Variants in ICA1 observed in about 807,000 individuals in gnomAD.
ICA1 encodes 69 kDa islet cell autoantigen.
A neutral mutation model predicts 71.0 loss-of-function variants in ICA1; 40 were observed. That is an observed-to-expected ratio of 0.56 (90% CI 0.44 to 0.73). The LOEUF (loss-of-function observed/expected upper bound fraction) is 0.73, where lower values mean the gene tolerates loss of function less well. Ranked by LOEUF, ICA1 falls within the 30% of genes least tolerant of loss-of-function variation. The pLI is 0.00. For missense variants in ICA1, 578 were observed against 576.5 expected (o/e 1.00, Z -0.03); for synonymous variants, 207 against 209.5 (o/e 0.99, Z 0.10).
At chr7:8,259,718 G>A (rs190104112) in intron 1 of ICA1, among the ~76,000 whole-genome samples, 4 of 152,222 alleles carry the variant, frequency 2.6e-5, no homozygotes, top group East Asian at 1.9e-4. Context: ...AGGTGTTACC[G>A]CAGGGATTCT....
intron 8 of ICA1, among the ~76,000 whole-genome samples, chr7:8,150,445 C>A (rs1430110916): frequency 6.6e-6 from 1 of 152,222 alleles, no homozygotes; most frequent in Admixed American, 6.5e-5. Flanking sequence ...TCACTTAATC[C>A]TCACAAAACC....
chr7:8,163,920 T>G (rs1327198512), intron 6 of ICA1, among the ~76,000 whole-genome samples: 5 of 152,128 alleles, frequency 3.3e-5, no homozygotes, highest in African/African-American at 1.2e-4. Flanking sequence ...CACTGGAGGC[T>G]TTTAAGCAAG....
intron 4 of ICA1, among the ~76,000 whole-genome samples, chr7:8,228,075 A>T (rs1799163667): frequency 6.6e-6 from 1 of 152,212 alleles, no homozygotes; most frequent in Non-Finnish European, 1.5e-5. Context: ...ACAAACACAT[A>T]ATTGATATTT....
At chr7:8,261,136 C>G (rs1812177066) in intron 1 of ICA1, among the ~76,000 whole-genome samples, 1 of 151,790 alleles carries the variant, frequency 6.6e-6, no homozygotes, top group Non-Finnish European at 1.5e-5. Flanking sequence ...ATGAACAAAA[C>G]CCTTTCTTGC....
At chr7:8,153,064 C>T (rs1320520327) in intron 8 of ICA1, among the ~76,000 whole-genome samples, 1 of 152,228 alleles carries the variant, frequency 6.6e-6, no homozygotes, top group African/African-American at 2.4e-5. Context: ...ATCACCAACA[C>T]AAACACTGCT....
At chr7:8,260,144 G>T (rs896331714) in intron 1 of ICA1, among the ~76,000 whole-genome samples, 9 of 152,242 alleles carry the variant, frequency 5.9e-5, no homozygotes, top group African/African-American at 1.7e-4. Context: ...AATCTTAAAA[G>T]TTCATACCAA....
chr7:8,151,331 G>A (rs1274766741), intron 8 of ICA1, among the ~76,000 whole-genome samples: 4 of 152,210 alleles, frequency 2.6e-5, no homozygotes, highest in South Asian at 2.1e-4. Context: ...GCCATCAGGC[G>A]TGGATGAACA....
chr7:8,198,555 A>G (rs1788468397), intron 6 of ICA1, among the ~76,000 whole-genome samples: 1 of 152,206 alleles, frequency 6.6e-6, no homozygotes, highest in South Asian at 2.1e-4. Context: ...TGTGGAAGGC[A>G]GACTTGAAGC....
chr7:8,140,302 TCTC>T (rs1414830199), intron 10 of ICA1, among the ~76,000 whole-genome samples: 1 of 152,118 alleles, frequency 6.6e-6, no homozygotes, highest in Non-Finnish European at 1.5e-5. Flanking sequence ...CTGCTCCCTT[TCTC>T]CTCCTGCCAC....
intron 2 of ICA1, 111 bp downstream of exon 2, chr7:8,235,799 A>G (rs1368760384): frequency 3.5e-6 from 4 of 1,151,002 alleles, no homozygotes; most frequent in East Asian, 2.4e-5. Context: ...GAGGGCTAAC[A>G]TGATACTTAC....
At position 8,221,135 on chromosome 7, in the gene ICA1, C is replaced by G. The variant is rs1036338705; in HGVS notation, c.380+140G>C. The G allele has an allele frequency of 9.2e-6, 8 of 865,808 alleles. No individual in the cohort carries two copies. In the African/African-American group the frequency reaches 1.2e-4, roughly 13 times the overall value. The allele number at this position is 865,808 out of a possible 1,614,324, so 53.6% of individuals were successfully genotyped here. ...AATTAGAGAGTTAAGTACAAACTGCCTAACTAGTGAGTACAGAGCAGCTCC... is the reference window on the plus strand; with the variant it reads ...AATTAGAGAGTTAAGTACAAACTGCGTAACTAGTGAGTACAGAGCAGCTCC... On this transcript the variant is annotated intron_variant, in intron 5 of 13. Coordinates refer to ENST00000402384, the MANE Select transcript of ICA1 (RefSeq NM_001136020.3).
chr7:8,129,376 T>TTTTA (rs1440421270), intron 12 of ICA1, among the ~76,000 whole-genome samples: 1 of 142,072 alleles, frequency 7.0e-6, no homozygotes. Flanking sequence ...GCTTTTTTTT[T>TTTTA]AAAAAAAAAA....
At chr7:8,213,122 C>G (rs928533890) in intron 6 of ICA1, among the ~76,000 whole-genome samples, 1 of 152,200 alleles carries the variant, frequency 6.6e-6, no homozygotes, top group Non-Finnish European at 1.5e-5. Context: ...ACCCAAACAA[C>G]AGGCACACAA....
intron 6 of ICA1, among the ~76,000 whole-genome samples, chr7:8,180,427 T>C (rs1403660508): frequency 6.6e-6 from 1 of 152,174 alleles, no homozygotes; most frequent in Non-Finnish European, 1.5e-5. Context: ...TCCTTTCTAC[T>C]ATTCATGGAC....
At chr7:8,156,654 C>G in intron 8 of ICA1, 1 of 570,304 alleles carries the variant, frequency 1.8e-6, no homozygotes, top group Non-Finnish European at 2.8e-6. Context: ...ATAATACTCT[C>G]AGAATAAAAT....
intron 1 of ICA1, among the ~76,000 whole-genome samples, chr7:8,249,932 C>A (rs1456664403): frequency 6.6e-6 from 1 of 152,056 alleles, no homozygotes; most frequent in Non-Finnish European, 1.5e-5. Flanking sequence ...TAATTTAGAG[C>A]CTAGAAAGAG....
chr7:8,130,719 G>A lies in ICA1; in HGVS notation c.1061-2577C>T, dbSNP rs1791127363. Among the ~76,000 whole-genome samples the A allele has an allele frequency of 6.6e-6, 1 of 152,184 alleles. No homozygotes were observed. The highest frequency in any genetic ancestry group is 1.5e-5 in the Non-Finnish European group (1 of 68,038). On this transcript the variant is annotated intron_variant, in intron 12 of 13. Coordinates refer to ENST00000402384, the MANE Select transcript of ICA1 (RefSeq NM_001136020.3). The surrounding 1 kb of genome is among the most constrained non-coding windows in gnomAD (Gnocchi z 4.2). ...CCCTCAGGGAGGCTTCACTACTTTAGTACAGATGTCTGTCCAGGGAAGATC... is the reference window on the plus strand; with the variant it reads ...CCCTCAGGGAGGCTTCACTACTTTAATACAGATGTCTGTCCAGGGAAGATC...
intron 2 of ICA1, 93 bp from the exon 3 acceptor site, chr7:8,232,848 T>C (rs111698039): frequency 2.7e-6 from 3 of 1,119,142 alleles, no homozygotes; most frequent in African/African-American, 3.2e-5. Flanking sequence ...GACTTTCCAT[T>C]ATGCATTTAC....
chr7:8,190,872 T>A (rs1785355719), intron 6 of ICA1, among the ~76,000 whole-genome samples: 1 of 152,238 alleles, frequency 6.6e-6, no homozygotes. Context: ...CAAGGAAGTT[T>A]GCTTCCATGA....
Sources: allele counts gnomAD v4.1 joint callset (sites outside exome capture counted in the v4.1 genomes callset), GRCh38; gene constraint gnomAD v4.1.1; non-coding constraint Gnocchi (gnomAD v3.1); transcripts MANE v1.5; gene names NCBI Gene and HGNC (gene_info 2026-07-23, HGNC 2026-07-21).